The following RXFP1 variants were observed in gnomAD, a reference collection of about 807,000 sequenced individuals.
RXFP1 encodes relaxin receptor 1.
A neutral mutation model predicts 89.8 loss-of-function variants in RXFP1; 73 were observed. The observed-to-expected ratio is 0.81, with a 90% CI of 0.67 to 0.99. The LOEUF is 0.99. Among genes scored for constraint, RXFP1 ranks in the 50% least tolerant of loss-of-function variants. The pLI, the probability that RXFP1 is intolerant of heterozygous loss-of-function variation, is 0.00. For synonymous variants in RXFP1, 277 were observed against 305.5 expected, an observed-to-expected ratio of 0.91 and a Z score of 0.97; for missense variants, 793 against 895.5, an observed-to-expected ratio of 0.89 and a Z score of 1.46.
At chr4:158,558,344 A>G (rs1486893022) in intron 1 of RXFP1, among the ~76,000 whole-genome samples, 2 of 152,216 alleles carry the variant, frequency 1.3e-5, no homozygotes, top group Non-Finnish European at 2.9e-5. Flanking sequence ...ACTTCATATC[A>G]GCAAATCATT....
intron 12 of RXFP1, among the ~76,000 whole-genome samples, chr4:158,636,802 A>G (rs1769259397): frequency 6.6e-6 from 1 of 152,194 alleles, no homozygotes; most frequent in East Asian, 1.9e-4. Flanking sequence ...AATACAATAC[A>G]TTGTTATTTG....
At chr4:158,540,770 C>A (rs1746411556) in intron 1 of RXFP1, among the ~76,000 whole-genome samples, 1 of 152,108 alleles carries the variant, frequency 6.6e-6, no homozygotes, top group Non-Finnish European at 1.5e-5. Flanking sequence ...CCCGCAGCAG[C>A]CACACCTTAG....
At chr4:158,647,755 T>C (rs1361242068) in intron 16 of RXFP1, among the ~76,000 whole-genome samples, 1 of 151,898 alleles carries the variant, frequency 6.6e-6, no homozygotes, top group Non-Finnish European at 1.5e-5. Context: ...CGGTGGCTCA[T>C]ACCTGTAATC....
At chr4:158,571,989 G>C (rs529726391) in intron 1 of RXFP1, among the ~76,000 whole-genome samples, 4 of 152,318 alleles carry the variant, frequency 2.6e-5, no homozygotes, top group Non-Finnish European at 5.9e-5. Context: ...TAAAAGATTA[G>C]GGTGGGAGGG....
rs146559383 is a variant in RXFP1 at position 158,581,787 on chromosome 4, T to C, written c.187+8952T>C. Among the ~76,000 whole-genome samples the C allele has an allele frequency of 3.3e-3, 502 of 152,284 alleles. 2 individuals are homozygous for C. Among genetic ancestry groups the C allele is most frequent in the African/African-American group, 0.011 (451 of 41,580 alleles). ...GTTTTGCCTTGTTATAAAGGAATAG[T>C]TGTGGCTGGGTAATTTATGAAGAAA... On this transcript the variant is annotated intron_variant, in intron 2 of 17. Transcript: ENST00000307765.
At chr4:158,526,288 C>T (rs1195037717) in intron 1 of RXFP1, among the ~76,000 whole-genome samples, 1 of 152,202 alleles carries the variant, frequency 6.6e-6, no homozygotes, top group East Asian at 1.9e-4. Flanking sequence ...ACAGCAAGTG[C>T]CAATAAATAT....
intron 14 of RXFP1, among the ~76,000 whole-genome samples, chr4:158,643,703 C>A (rs898939870): frequency 6.6e-6 from 1 of 151,924 alleles, no homozygotes; most frequent in African/African-American, 2.4e-5. Context: ...AATCTCCTGA[C>A]TGCGTGATCC....
chr4:158,593,320 TAA>T (rs1323238680), intron 2 of RXFP1, 79 bp from the exon 3 acceptor site: 6 of 780,418 alleles, frequency 7.7e-6, no homozygotes, highest in Non-Finnish European at 1.3e-5. Context: ...TGGACTGTTT[TAA>T]AGAGAGGACC....
At chr4:158,544,095 C>A in intron 1 of RXFP1, 4 of 979,562 alleles carry the variant, frequency 4.1e-6, no homozygotes, top group Non-Finnish European at 4.8e-6. Flanking sequence ...AACAAGAGAA[C>A]CATCTTTTTA....
intron 3 of RXFP1, among the ~76,000 whole-genome samples, chr4:158,594,359 T>C (rs138110973): frequency 3.3e-5 from 5 of 152,356 alleles, no homozygotes; most frequent in Non-Finnish European, 5.9e-5. Context: ...CTCATTACTC[T>C]ATGAGCTTAC....
intron 9 of RXFP1, among the ~76,000 whole-genome samples, chr4:158,620,685 C>T (rs752930650): frequency 1.4e-4 from 21 of 151,778 alleles, no homozygotes; most frequent in Admixed American, 4.6e-4. Flanking sequence ...GGATAAAGAG[C>T]GATATCATAT....
intron 1 of RXFP1, among the ~76,000 whole-genome samples, chr4:158,550,681 G>A (rs1749883311): frequency 6.6e-6 from 1 of 152,138 alleles, no homozygotes; most frequent in South Asian, 2.1e-4. Context: ...AAAAAAGGGA[G>A]GTAGAAACAT....
chr4:158,546,246 C>G (rs1748359757), intron 1 of RXFP1, among the ~76,000 whole-genome samples: 1 of 152,220 alleles, frequency 6.6e-6, no homozygotes, highest in African/African-American at 2.4e-5. Context: ...ATTTGGCTCT[C>G]TGTTTGTCTG....
chr4:158,651,614 T>G (rs1413625976), intron 17 of RXFP1, 143 bp from the exon 18 acceptor site: 1 of 585,480 alleles, frequency 1.7e-6, no homozygotes, highest in Non-Finnish European at 2.9e-6. Context: ...GAAACAAATA[T>G]AGACTTGGTA....
intron 2 of RXFP1, among the ~76,000 whole-genome samples, chr4:158,579,239 C>G (rs1267091081): frequency 6.6e-6 from 1 of 151,958 alleles, no homozygotes; most frequent in Admixed American, 6.6e-5. Flanking sequence ...CGTCTGGCCT[C>G]CAGAACTGTG....
intron 13 of RXFP1, 36 bp from the exon 14 acceptor site, chr4:158,639,224 T>C (rs1407567328): frequency 8.7e-7 from 1 of 1,151,120 alleles, no homozygotes; most frequent in Non-Finnish European, 1.3e-6. Flanking sequence ...GTATAATACA[T>C]GTTCCTTTGA....
At chr4:158,542,318 C>A (rs1241370038) in intron 1 of RXFP1, among the ~76,000 whole-genome samples, 1 of 151,434 alleles carries the variant, frequency 6.6e-6, no homozygotes, top group Non-Finnish European at 1.5e-5. Context: ...AATCTTTTAT[C>A]AGGAAACAAT....
rs1406527829 is a variant in RXFP1, at chr4:158,619,452, C to T, written c.755+2247C>T. Among the ~76,000 whole-genome samples the T allele has an allele frequency of 3.3e-5, 5 of 152,214 alleles. No individual in the cohort carries two copies. In the East Asian group the frequency reaches 5.8e-4, roughly 18 times the overall value. Reference sequence around the variant, plus strand: ...GAGCACAGGATGAAGAGTTGGCTGGCGTGAAAGCAGGTACAAAGAAAACTA... The same window carrying T: ...GAGCACAGGATGAAGAGTTGGCTGGTGTGAAAGCAGGTACAAAGAAAACTA... On this transcript the variant is annotated intron_variant, in intron 9 of 17. Coordinates refer to ENST00000307765, the MANE Select transcript of RXFP1 (RefSeq NM_021634.4).
At chr4:158,562,522 T>C (rs1243732101) in intron 1 of RXFP1, among the ~76,000 whole-genome samples, 1 of 1,428 alleles carries the variant, frequency 7.0e-4, no homozygotes, top group Non-Finnish European at 0.014. Context: ...AGACTCCGTC[T>C]CAAAAAAAAA....
Sources: allele counts gnomAD v4.1 joint callset (sites outside exome capture counted in the v4.1 genomes callset), GRCh38; gene constraint gnomAD v4.1.1; transcripts MANE v1.5; gene names NCBI Gene and HGNC (gene_info 2026-07-23, HGNC 2026-07-21).